Variants in KCTD8 observed in about 807,000 individuals in gnomAD.
KCTD8 encodes the protein BTB/POZ domain-containing protein KCTD8.
In KCTD8, 27 loss-of-function variants were observed where a neutral mutation model predicts 31.5. The observed-to-expected ratio is 0.86, with a 90% CI of 0.63 to 1.18. KCTD8 has a LOEUF of 1.18. KCTD8 is among the 50% of genes most tolerant of loss of function. The probability of loss-of-function intolerance (pLI) is 0.00; values close to 1 mark genes in which losing one functional copy is unlikely to be tolerated. For synonymous variants in KCTD8, 290 were observed against 280.0 expected (o/e 1.04, Z -0.36); for missense variants, 658 against 647.7 (o/e 1.02, Z -0.17).
intron 1 of KCTD8, among the ~76,000 whole-genome samples, chr4:44,390,383 T>A (rs1219523324): frequency 1.3e-5 from 2 of 152,046 alleles, no homozygotes; most frequent in Non-Finnish European, 2.9e-5. Flanking sequence ...CACCATTTGT[T>A]AAATAGGGTG....
chr4:44,243,873 G>A (rs1163984651), intron 1 of KCTD8, among the ~76,000 whole-genome samples: 1 of 152,080 alleles, frequency 6.6e-6, no homozygotes, highest in African/African-American at 2.4e-5. Context: ...CTTCCCATAG[G>A]TTATTCTCAT....
At chr4:44,382,454 T>C (rs1720093941) in intron 1 of KCTD8, among the ~76,000 whole-genome samples, 1 of 151,978 alleles carries the variant, frequency 6.6e-6, no homozygotes. Context: ...TGGTCGGGCA[T>C]GGTGGCTCAC....
intron 1 of KCTD8, among the ~76,000 whole-genome samples, chr4:44,440,635 T>A (rs1270967958): frequency 1.3e-5 from 2 of 152,222 alleles, no homozygotes; most frequent in African/African-American, 2.4e-5. Flanking sequence ...CATCTCTAGT[T>A]CATTCCTTAA....
intron 1 of KCTD8, among the ~76,000 whole-genome samples, chr4:44,268,007 A>T (rs1008892036): frequency 2.0e-5 from 3 of 152,214 alleles, no homozygotes; most frequent in Non-Finnish European, 4.4e-5. Context: ...TATTCCAATC[A>T]ATAGAAAAAG....
At chr4:44,393,122 CACATGTCAGCATTGATTGTAG>C (rs1198772498) in intron 1 of KCTD8, among the ~76,000 whole-genome samples, 1 of 151,932 alleles carries the variant, frequency 6.6e-6, no homozygotes, top group African/African-American at 2.4e-5. Context: ...GTACTCCTTG[CACATGTCAGCATTGATTGTAG>C]AGAGAGTACA....
intron 1 of KCTD8, among the ~76,000 whole-genome samples, chr4:44,305,528 A>T (rs1717777019): frequency 6.6e-6 from 1 of 151,774 alleles, no homozygotes; most frequent in Non-Finnish European, 1.5e-5. Context: ...TTATAAACTC[A>T]TATATATCTA....
chr4:44,295,509 A>G (rs1187559971), intron 1 of KCTD8, among the ~76,000 whole-genome samples: 2 of 138,372 alleles, frequency 1.4e-5, no homozygotes, highest in East Asian at 2.1e-4. Context: ...AAAGAAAAAA[A>G]TGTAAAAATT....
chr4:44,197,172 A>C (rs1430078220), intron 1 of KCTD8, among the ~76,000 whole-genome samples: 3 of 152,110 alleles, frequency 2.0e-5, no homozygotes, highest in Non-Finnish European at 2.9e-5. Flanking sequence ...GGTTTGGGTA[A>C]TGTCCAAGCA....
intron 1 of KCTD8, among the ~76,000 whole-genome samples, chr4:44,316,031 C>T (rs543159780): frequency 4.5e-4 from 68 of 152,190 alleles, no homozygotes; most frequent in African/African-American, 1.6e-3. Flanking sequence ...TGTTTCTCTA[C>T]TCTCCATCTA....
intron 1 of KCTD8, among the ~76,000 whole-genome samples, chr4:44,244,668 T>C (rs1332904600): frequency 6.6e-6 from 1 of 152,164 alleles, no homozygotes; most frequent in African/African-American, 2.4e-5. Flanking sequence ...TGTTGTCTGA[T>C]ACTAGGTCAT....
intron 1 of KCTD8, among the ~76,000 whole-genome samples, chr4:44,227,365 T>C (rs1304502752): frequency 6.6e-6 from 1 of 152,252 alleles, no homozygotes; most frequent in Non-Finnish European, 1.5e-5. Flanking sequence ...TGTGGTATTA[T>C]TTCTGAGGTC....
intron 1 of KCTD8, among the ~76,000 whole-genome samples, chr4:44,379,930 G>A (rs984483110): frequency 6.6e-6 from 1 of 151,856 alleles, no homozygotes; most frequent in African/African-American, 2.4e-5. Context: ...ATAGTTAGGT[G>A]TTCTTTTTTA....
At chr4:44,213,302 A>G (rs185306715) in intron 1 of KCTD8, among the ~76,000 whole-genome samples, 1 of 152,116 alleles carries the variant, frequency 6.6e-6, no homozygotes, top group African/African-American at 2.4e-5. Context: ...TCTTCAACCA[A>G]TTTAGGATTA....
intron 1 of KCTD8, among the ~76,000 whole-genome samples, chr4:44,323,934 C>T (rs536812628): frequency 1.9e-4 from 29 of 151,718 alleles, no homozygotes; most frequent in African/African-American, 7.0e-4. Flanking sequence ...GGGAGATATA[C>T]CTAATGCTAG....
intron 1 of KCTD8, among the ~76,000 whole-genome samples, chr4:44,189,077 A>T (rs562048180): frequency 1.1e-4 from 16 of 152,330 alleles, no homozygotes; most frequent in African/African-American, 3.1e-4. Context: ...TAACTGGATG[A>T]TATTGGATCT....
intron 1 of KCTD8, among the ~76,000 whole-genome samples, chr4:44,336,681 A>G (rs1389636594): frequency 2.6e-5 from 4 of 152,130 alleles, no homozygotes; most frequent in African/African-American, 9.6e-5. Flanking sequence ...AATGAAACTG[A>G]AAAAATCAGC....
At position 44,448,417 on chromosome 4, in the gene KCTD8, G is replaced by C. The variant is rs780753976; in HGVS notation, c.107C>G (p.Pro36Arg). 1.3e-6 allele frequency: 2 copies of C among 1,566,992 alleles called. No individual in the cohort carries two copies. The highest frequency in any genetic ancestry group is 1.7e-6 in the Non-Finnish European group (2 of 1,162,720). ...PGASAAAAPG[P>R]CAPSPFPEVV... is the part of the protein sequence containing the mutation. ...TTCAGGGAAGGGCGAGGGTGCGCAGGGCCCCGGGGCGGCGGCGGCCGACGC... is the reference window on the plus strand; with the variant it reads ...TTCAGGGAAGGGCGAGGGTGCGCAGCGCCCCGGGGCGGCGGCGGCCGACGC... Residue 36 changes from proline to arginine, a missense_variant, in exon 1 of 2, where the codon CCC (proline) becomes CGC (arginine). Pro to Arg is a moderately radical substitution (Grantham distance 103). Transcript: ENST00000360029. This position sits in a 1 kb window ranked among gnomAD's most constrained non-coding sequence, Gnocchi z 4.1.
chr4:44,178,358 A>T (rs1253093893), intron 1 of KCTD8, among the ~76,000 whole-genome samples: 2 of 152,132 alleles, frequency 1.3e-5, no homozygotes, highest in Non-Finnish European at 2.9e-5. Flanking sequence ...TGTTTATATG[A>T]AGCCGGGAGT....
At chr4:44,307,604 T>A (rs2109396717) in intron 1 of KCTD8, among the ~76,000 whole-genome samples, 2 of 152,158 alleles carry the variant, frequency 1.3e-5, no homozygotes, top group Middle Eastern at 3.4e-3. Flanking sequence ...TATTTCTTTT[T>A]TAAGTAGATT....
Sources: allele counts gnomAD v4.1 joint callset (sites outside exome capture counted in the v4.1 genomes callset), GRCh38; gene constraint gnomAD v4.1.1; non-coding constraint Gnocchi (gnomAD v3.1); transcripts MANE v1.5; gene names NCBI Gene and HGNC (gene_info 2026-07-23, HGNC 2026-07-21).